HEMK2: variants seen among roughly 807,000 people sequenced by gnomAD.
The protein encoded by HEMK2 is HemK methyltransferase 2, ETF1 glutamine and histone H4 lysine.
chr21:28,633,467 CT>C, the HEMK2 span, among the ~76,000 whole-genome samples: 1 of 152,094 alleles, frequency 6.6e-6, no homozygotes, highest in Non-Finnish European at 1.5e-5. Flanking sequence ...ATTATGGCAA[CT>C]TTTTTAGGGA....
At chr21:28,761,771 C>T in the HEMK2 span, among the ~76,000 whole-genome samples, 2 of 152,052 alleles carry the variant, frequency 1.3e-5, no homozygotes, top group Admixed American at 1.3e-4. Flanking sequence ...ACAGAGAAGG[C>T]ACGCAACAGG....
At chr21:28,642,418 C>G in the HEMK2 span, among the ~76,000 whole-genome samples, 1 of 152,168 alleles carries the variant, frequency 6.6e-6, no homozygotes, top group African/African-American at 2.4e-5. Flanking sequence ...TGGAAGCATC[C>G]GGTCACTCTT....
At chr21:28,585,508 A>G in the HEMK2 span, among the ~76,000 whole-genome samples, 12 of 152,112 alleles carry the variant, frequency 7.9e-5, no homozygotes, top group Non-Finnish European at 1.3e-4. Context: ...GAAATCAGAG[A>G]AAGATCAAAA....
At chr21:28,577,818 C>G in the HEMK2 span, among the ~76,000 whole-genome samples, 1 of 151,988 alleles carries the variant, frequency 6.6e-6, no homozygotes, top group Non-Finnish European at 1.5e-5. Flanking sequence ...ATCATTAAAC[C>G]CTCTAAATCC....
chr21:28,877,466 AAAAG>A, the HEMK2 span, among the ~76,000 whole-genome samples: 1 of 151,532 alleles, frequency 6.6e-6, no homozygotes, highest in Non-Finnish European at 1.5e-5. Flanking sequence ...AGGAAGGAAA[AAAAG>A]AAGAGAAGAG....
chr21:28,773,665 GC>G, the HEMK2 span, among the ~76,000 whole-genome samples: 2 of 130 alleles, frequency 0.015, no homozygotes, highest in Non-Finnish European at 0.032. Context: ...AGGTCTCTAG[GC>G]CATGCATGGG....
the HEMK2 span, among the ~76,000 whole-genome samples, chr21:28,654,473 A>G: frequency 6.6e-6 from 1 of 152,092 alleles, no homozygotes; most frequent in African/African-American, 2.4e-5. Context: ...GAAAGGCACA[A>G]AAGTTAGAGA....
At chr21:28,681,676 C>T in the HEMK2 span, among the ~76,000 whole-genome samples, 13 of 152,276 alleles carry the variant, frequency 8.5e-5, no homozygotes, top group Admixed American at 3.3e-4. Context: ...GTAACCAAAA[C>T]AGCATGGTAC....
At chr21:28,771,968 GAA>G in the HEMK2 span, among the ~76,000 whole-genome samples, 1 of 146,298 alleles carries the variant, frequency 6.8e-6, no homozygotes, top group East Asian at 2.0e-4. Flanking sequence ...AATCTTAAAA[GAA>G]AAAAAAAAAT....
the HEMK2 span, among the ~76,000 whole-genome samples, chr21:28,788,728 T>C: frequency 6.9e-6 from 1 of 144,116 alleles, no homozygotes; most frequent in African/African-American, 2.5e-5. Flanking sequence ...AAAGAAAAAA[T>C]GCCACTGTCC....
the HEMK2 span, among the ~76,000 whole-genome samples, chr21:28,744,945 CTG>C: frequency 6.6e-6 from 1 of 152,132 alleles, no homozygotes; most frequent in Non-Finnish European, 1.5e-5. Context: ...AACTCACATG[CTG>C]ATTAATTTTA....
At chr21:28,840,199 T>C in the HEMK2 span, among the ~76,000 whole-genome samples, 1,278 of 152,298 alleles carry the variant, frequency 8.4e-3, 17 homozygotes, top group African/African-American at 0.029. Context: ...ATCTCTCACC[T>C]TATGCAAAAT....
At chr21:28,868,228 T>C in the HEMK2 span, among the ~76,000 whole-genome samples, 2 of 152,124 alleles carry the variant, frequency 1.3e-5, no homozygotes, top group African/African-American at 2.4e-5. Flanking sequence ...TATCTAGGAG[T>C]GTCTAGGCTG....
At chr21:28,876,213 T>C in the HEMK2 span, 1 of 433,198 alleles carries the variant, frequency 2.3e-6, no homozygotes, top group Non-Finnish European at 4.1e-6. Context: ...ACATATTTAC[T>C]TGTACTTGTG....
the HEMK2 span, among the ~76,000 whole-genome samples, chr21:28,704,539 T>C: frequency 1.4e-5 from 2 of 142,446 alleles, no homozygotes; most frequent in East Asian, 2.1e-4. Context: ...ATATTCAGCA[T>C]GTTCCAGAAG....
the HEMK2 span, among the ~76,000 whole-genome samples, chr21:28,848,503 GATA>G: frequency 1.3e-5 from 2 of 151,994 alleles, no homozygotes; most frequent in African/African-American, 4.8e-5. Context: ...TAAATAGAAT[GATA>G]ATGAGTGTCC....
chr21:28,613,339 T>G, the HEMK2 span, among the ~76,000 whole-genome samples: 12 of 151,958 alleles, frequency 7.9e-5, 1 homozygote. Context: ...TGCTGATACC[T>G]CCCTCCATAA....
At chr21:28,869,656 G>C in the HEMK2 span, among the ~76,000 whole-genome samples, 2 of 152,192 alleles carry the variant, frequency 1.3e-5, no homozygotes, top group Non-Finnish European at 2.9e-5. Flanking sequence ...CGCTGACTTA[G>C]AGGTTACAGG....
At chr21:28,844,705 C>T in the HEMK2 span, among the ~76,000 whole-genome samples, 6 of 152,184 alleles carry the variant, frequency 3.9e-5, no homozygotes, top group Admixed American at 1.3e-4. Flanking sequence ...CCCTAAATCA[C>T]CACCAGTAGT....
Sources: gnomAD v4.1 joint callset for allele counts (sites outside exome capture counted in the v4.1 genomes callset) on GRCh38, gnomAD v4.1.1 for gene constraint, MANE v1.5 for transcripts, NCBI Gene and HGNC (gene_info 2026-07-23, HGNC 2026-07-21) for gene names.